RAI14: variants seen among roughly 807,000 people sequenced by gnomAD.
RAI14 encodes retinoic acid induced 14.
RAI14 carries 45 observed loss-of-function variants against 115.4 expected under a neutral mutation model. That is an observed-to-expected ratio of 0.39 (90% confidence interval 0.31 to 0.50). The LOEUF is 0.50. RAI14 is among the 20% of genes least tolerant of loss of function. RAI14 has a pLI of 0.85. For missense variants in RAI14, 939 were observed against 1,131.2 expected (o/e 0.83, Z 2.44); for synonymous variants, 371 against 415.4 (o/e 0.89, Z 1.30).
At chr5:34,719,329 C>T (rs1342475339) in intron 2 of RAI14, among the ~76,000 whole-genome samples, 1 of 152,198 alleles carries the variant, frequency 6.6e-6, no homozygotes, top group Non-Finnish European at 1.5e-5. Context: ...ACGGAAACCT[C>T]ATCCATCCCC....
chr5:34,733,040 C>T (rs1380700550), intron 2 of RAI14: 1 of 151,932 alleles, frequency 6.6e-6, no homozygotes, highest in Non-Finnish European at 1.5e-5. Flanking sequence ...CTGATCTGCT[C>T]AGTTTATTTG....
At chr5:34,728,883 C>T (rs1743820995) in intron 2 of RAI14, among the ~76,000 whole-genome samples, 1 of 152,064 alleles carries the variant, frequency 6.6e-6, no homozygotes, top group African/African-American at 2.4e-5. Context: ...GATGGCGTCA[C>T]TGCACTCCAG....
At chr5:34,720,120 C>T (rs1742480531) in intron 2 of RAI14, among the ~76,000 whole-genome samples, 3 of 152,068 alleles carry the variant, frequency 2.0e-5, no homozygotes, top group Admixed American at 2.0e-4. Context: ...TTACTTTCCC[C>T]AGTAAATATT....
intron 2 of RAI14, among the ~76,000 whole-genome samples, chr5:34,750,869 T>TTTTTTTTTTTTGG (rs1746906098): frequency 6.8e-6 from 1 of 147,840 alleles, no homozygotes; most frequent in African/African-American, 2.5e-5. Context: ...TTTTTTTTTT[T>TTTTTTTTTTTTGG]GAGGTGGAGT....
Position 34,823,986 on chromosome 5 carries a change from A to C in RAI14, c.2144A>C (p.Gln715Pro), listed in dbSNP as rs767058997. The change falls in exon 15 of 18, where the codon CAG (glutamine) becomes CCG (proline). Residue 715 changes from glutamine to proline, a missense_variant. Transcript: ENST00000265109. The surrounding 1 kb of genome is among the most constrained non-coding windows in gnomAD (Gnocchi z 4.5). Reference sequence around the variant, plus strand: ...TCAAAAGTGTTGAATGAGTTGACCCAGCTCAAACAACTGGTGGATGCACAA... The same window carrying C: ...TCAAAAGTGTTGAATGAGTTGACCCCGCTCAAACAACTGGTGGATGCACAA... ...QYSKVLNELT[Q>P]LKQLVDAQKE... 9 of 1,613,906 alleles carry C rather than the reference A, an allele frequency of 5.6e-6. No homozygotes were observed. The African/African-American group carries it at 1.2e-4, about 22-fold the overall frequency.
chr5:34,731,397 A>G (rs1335637289), intron 2 of RAI14, among the ~76,000 whole-genome samples: 1 of 152,236 alleles, frequency 6.6e-6, no homozygotes, highest in Non-Finnish European at 1.5e-5. Flanking sequence ...TTTTAAGTGA[A>G]TGATAAATTA....
intron 2 of RAI14, among the ~76,000 whole-genome samples, chr5:34,742,234 A>G (rs528079836): frequency 6.6e-6 from 1 of 152,250 alleles, no homozygotes; most frequent in Admixed American, 6.5e-5. Context: ...TTTTCTCTCT[A>G]TGGGGCATCT....
chr5:34,668,296 A>AG (rs778234114), intron 1 of RAI14, among the ~76,000 whole-genome samples: 3 of 151,778 alleles, frequency 2.0e-5, no homozygotes, highest in Non-Finnish European at 4.4e-5. Flanking sequence ...CGAGAGGCTG[A>AG]GGCATGAGAA....
At chr5:34,716,461 G>A (rs1377873260) in intron 2 of RAI14, among the ~76,000 whole-genome samples, 1 of 151,806 alleles carries the variant, frequency 6.6e-6, no homozygotes, top group African/African-American at 2.4e-5. Flanking sequence ...TGCCCAGGCT[G>A]GAGTGCAGTG....
At chr5:34,686,570 A>G (rs142406577) in intron 1 of RAI14, 17 of 173,376 alleles carry the variant, frequency 9.8e-5, no homozygotes, top group African/African-American at 3.8e-4. Context: ...CCATTCTACA[A>G]TATATGCATA....
At chr5:34,677,664 C>G (rs1443128917) in intron 1 of RAI14, among the ~76,000 whole-genome samples, 2 of 152,132 alleles carry the variant, frequency 1.3e-5, no homozygotes, top group African/African-American at 4.8e-5. Context: ...CCAGGCTGGT[C>G]TCAGGCTCAA....
At chr5:34,703,154 C>A (rs1000558744) in intron 2 of RAI14, among the ~76,000 whole-genome samples, 1 of 152,034 alleles carries the variant, frequency 6.6e-6, no homozygotes, top group Admixed American at 6.6e-5. Flanking sequence ...TAAAACTATG[C>A]AGCAACTGGG....
chr5:34,751,001 G>A (rs993079243), intron 2 of RAI14, among the ~76,000 whole-genome samples: 10 of 150,914 alleles, frequency 6.6e-5, no homozygotes, highest in Non-Finnish European at 8.9e-5. Context: ...TACAGGCTAC[G>A]CCACCATGCC....
intron 16 of RAI14, 59 bp downstream of exon 16, chr5:34,826,538 C>A: frequency 6.4e-7 from 1 of 1,570,010 alleles, no homozygotes; most frequent in South Asian, 1.2e-5. Context: ...GATTTCCTAC[C>A]ATCTCAGCTG....
At chr5:34,818,873 T>C in intron 13 of RAI14, 22 bp downstream of exon 13, 1 of 1,456,764 alleles carries the variant, frequency 6.9e-7, no homozygotes, top group Non-Finnish European at 9.2e-7. Context: ...AAGCATCTGT[T>C]TTTTTTTTTC....
chr5:34,728,951 T>C (rs1325406532), intron 2 of RAI14, among the ~76,000 whole-genome samples: 2 of 151,842 alleles, frequency 1.3e-5, no homozygotes, highest in Non-Finnish European at 2.9e-5. Context: ...AGATACACAC[T>C]GAAATATTGA....
At chr5:34,710,757 T>G (rs1320988895) in intron 2 of RAI14, among the ~76,000 whole-genome samples, 1 of 151,514 alleles carries the variant, frequency 6.6e-6, no homozygotes, top group Non-Finnish European at 1.5e-5. Context: ...CAGGTGATTC[T>G]TATCAATGAG....
chr5:34,678,915 C>T (rs1285170401), intron 1 of RAI14, among the ~76,000 whole-genome samples: 1 of 152,224 alleles, frequency 6.6e-6, no homozygotes, highest in Non-Finnish European at 1.5e-5. Context: ...TTATTTCCCT[C>T]TATTGTGAGT....
At chr5:34,704,372 G>GTA (rs1740426520) in intron 2 of RAI14, among the ~76,000 whole-genome samples, 1 of 152,190 alleles carries the variant, frequency 6.6e-6, no homozygotes, top group African/African-American at 2.4e-5. Context: ...AACTCCTCCA[G>GTA]ATAGTCAGTA....
Sources: allele counts gnomAD v4.1 joint callset (sites outside exome capture counted in the v4.1 genomes callset), GRCh38; gene constraint gnomAD v4.1.1; non-coding constraint Gnocchi (gnomAD v3.1); transcripts MANE v1.5; gene names NCBI Gene and HGNC (gene_info 2026-07-23, HGNC 2026-07-21).